Variants in SHC2 observed in about 807,000 individuals in gnomAD.
SHC2 encodes SHC-transforming protein 2.
Under a neutral mutation model 60.6 loss-of-function variants are expected in SHC2, and 62 were observed. The observed-to-expected ratio is 1.02, with a 90% CI of 0.83 to 1.26. The LOEUF (loss-of-function observed/expected upper bound fraction) is 1.26. Ranked by LOEUF, SHC2 falls within the 50% of genes most tolerant of loss-of-function variation. The probability of loss-of-function intolerance (pLI) is 0.00; values close to 1 mark genes in which losing one functional copy is unlikely to be tolerated. For missense variants in SHC2, 873 were observed against 822.2 expected (o/e 1.06, Z -0.76); for synonymous variants, 375 against 372.4 (o/e 1.01, Z -0.08).
intron 11 of SHC2, among the ~76,000 whole-genome samples, chr19:421,754 A>C (rs1033098440): frequency 6.6e-6 from 1 of 152,122 alleles, no homozygotes; most frequent in African/African-American, 2.4e-5. Flanking sequence ...CCCCATCTCT[A>C]CAAAACTTAG....
At chr19:457,112 A>C (rs963422612) in intron 1 of SHC2, among the ~76,000 whole-genome samples, 1 of 142,478 alleles carries the variant, frequency 7.0e-6, no homozygotes, top group Admixed American at 7.0e-5. Context: ...TTGCACCTGC[A>C]CCTGCTGTGC....
rs1415863244 is a variant in SHC2, at chr19:440,715, G to A, written c.539+147C>T. 1.2e-5 allele frequency: 8 copies of A among 691,866 alleles called. No individual in the cohort carries two copies. In the South Asian group the frequency reaches 1.3e-4, roughly 11 times the overall value. The allele number at this position is 691,866 out of a possible 1,614,324, so 42.9% of individuals were successfully genotyped here. On this transcript the variant is annotated intron_variant, in intron 2 of 12. Transcript: ENST00000264554. The surrounding 1 kb of genome is among the most constrained non-coding windows in gnomAD (Gnocchi z 7.0). ...TGGGGACAGGGCGGAGACGTGGCGT[G>A]AAGTGGGAGGGAGGTGGGGGGCACC...
chr19:446,314 TTTTG>T lies in SHC2; in HGVS notation c.469-5386_469-5383del, dbSNP rs767553572. 1.4e-4 allele frequency among the ~76,000 whole-genome samples: 21 copies of T among 151,976 alleles called. No individual in the cohort carries two copies. The highest frequency in any genetic ancestry group is 2.4e-4 in the Non-Finnish European group (16 of 67,996). On this transcript the variant is annotated intron_variant, in intron 1 of 12. Transcript: ENST00000264554. This position sits in a 1 kb window ranked among gnomAD's most constrained non-coding sequence, Gnocchi z 5.4. ...GTGTGTTTTGTTTTGTTTTTGGGGT[TTTTG>T]TTTGTTTGTTTGAGACGGAGTCTTG...
chr19:439,039 G>A lies in SHC2; in HGVS notation c.540-9C>T, dbSNP rs747701766. On this transcript the variant is annotated splice_polypyrimidine_tract_variant and intron_variant, in intron 2 of 12. Transcript: ENST00000264554. ...GCCGGTTGATGGCTTCCCTGGGGTT[G>A]GGAGGAGGGGGCTTAGAGAGTGTGG... 5.1e-6 allele frequency: 8 copies of A among 1,579,198 alleles called. No homozygotes were observed. Among genetic ancestry groups the A allele is most frequent in the South Asian group, 1.2e-5 (1 of 86,580 alleles).
In SHC2 at chr19:417,060, T is replaced by G. The variant is rs1406641848; in HGVS notation, c.*268A>C. ...CGGCTGCTTCTGGATATATTTTCTT[T>G]AAAGGCGAAATGGTTCCGTCTTTGG... On this transcript the variant is annotated 3_prime_UTR_variant, in exon 13 of 13. Transcript: ENST00000264554. 1 of 152,780 alleles carries G rather than the reference T, an allele frequency of 6.5e-6. No individual in the cohort carries two copies. The allele number at this position is 152,780 out of a possible 1,614,324, so 9.5% of individuals were successfully genotyped here. A position where few individuals can be genotyped will look rare whatever the true frequency, so the allele number is the denominator to read the frequency against.
rs1974387726 is a variant in SHC2 at position 425,310 on chromosome 19, A to G, written c.1175-79T>C. The G allele has an allele frequency of 8.5e-7, 1 of 1,182,948 alleles. No homozygotes were observed. The highest frequency in any genetic ancestry group is 1.1e-6 in the Non-Finnish European group (1 of 928,832). 73.3% of individuals were successfully genotyped at this position (1,182,948 alleles called of 1,614,324 possible). On this transcript the variant is annotated intron_variant, in intron 9 of 12. Transcript: ENST00000264554. This position sits in a 1 kb window ranked among gnomAD's most constrained non-coding sequence, Gnocchi z 4.1. ...GCAGGGAGCAAGGCGGGGTCCCACG[A>G]GGAGCTCCCCCGGCCACCACCTGTG... is the stretch of plus-strand genomic sequence containing the variant.
intron 1 of SHC2, among the ~76,000 whole-genome samples, chr19:451,591 C>T (rs1975199701): frequency 6.6e-6 from 1 of 152,148 alleles, no homozygotes; most frequent in Admixed American, 6.5e-5. Context: ...TTCTCTTTAA[C>T]TTTTTGGCAT....
chr19:448,138 C>T (rs752992698), intron 1 of SHC2, among the ~76,000 whole-genome samples: 2 of 152,230 alleles, frequency 1.3e-5, no homozygotes, highest in South Asian at 4.1e-4. Context: ...CCCAATTCCA[C>T]GAGTCCCCGC....
chr19:460,214 A>T (rs1975505473), intron 1 of SHC2, among the ~76,000 whole-genome samples: 1 of 151,950 alleles, frequency 6.6e-6, no homozygotes, highest in Non-Finnish European at 1.5e-5. Flanking sequence ...GGTGGCAGAG[A>T]CGCCCCGGCC....
chr19:442,507 A>G (rs1354226684), intron 1 of SHC2, among the ~76,000 whole-genome samples: 16 of 65,480 alleles, frequency 2.4e-4, no homozygotes, highest in Middle Eastern at 0.014. Flanking sequence ...GGATGGACGG[A>G]TGGATGGATG....
At chr19:427,012 G>A (rs1449183055) in intron 9 of SHC2, among the ~76,000 whole-genome samples, 1 of 152,234 alleles carries the variant, frequency 6.6e-6, no homozygotes, top group African/African-American at 2.4e-5. Flanking sequence ...GTGGGCACAG[G>A]GGCAGGGAAC....
chr19:434,342 T>A, intron 8 of SHC2, among the ~76,000 whole-genome samples: 1 of 37,528 alleles, frequency 2.7e-5, no homozygotes, highest in African/African-American at 1.2e-4. Flanking sequence ...GTGAGTGAGA[T>A]CATGAGTGAG....
At chr19:434,908 A>G in intron 7 of SHC2, 43 bp from the exon 8 acceptor site, 1 of 1,590,474 alleles carries the variant, frequency 6.3e-7, no homozygotes, top group Non-Finnish European at 8.5e-7. Context: ...GCAGGGCCCA[A>G]GGGGGCTAAA....
chr19:449,290 G>A (rs193049339), intron 1 of SHC2, among the ~76,000 whole-genome samples: 12 of 152,294 alleles, frequency 7.9e-5, no homozygotes, highest in South Asian at 2.1e-4. Flanking sequence ...CCCAGGAGGC[G>A]GAGGTTGCAG....
chr19:425,257 G>A lies in SHC2; in HGVS notation c.1175-26C>T, dbSNP rs146497994. ...CTGGGGAGTGTAAAGAGGGGCAGGGGGTCAGCTGGGAGCCAGGCGAGGGGC... is the reference window on the plus strand; with the variant it reads ...CTGGGGAGTGTAAAGAGGGGCAGGGAGTCAGCTGGGAGCCAGGCGAGGGGC... On this transcript the variant is annotated intron_variant, in intron 9 of 12. Coordinates refer to ENST00000264554, the MANE Select transcript of SHC2 (RefSeq NM_012435.3). This position sits in a 1 kb window ranked among gnomAD's most constrained non-coding sequence, Gnocchi z 4.1. 82 of 1,314,192 alleles carry A rather than the reference G, an allele frequency of 6.2e-5. No homozygotes were observed. The East Asian group carries it at 1.0e-3, about 17-fold the overall frequency. 81.4% of individuals were successfully genotyped at this position (1,314,192 alleles called of 1,614,324 possible). A position where few individuals can be genotyped will look rare whatever the true frequency, so the allele number is the denominator to read the frequency against.
chr19:440,905 A>G lies in SHC2; in HGVS notation c.496T>C (p.Ser166Pro), dbSNP rs762155569. Reference sequence around the variant, plus strand: ...GTGTTAAAGTCCAGGGAGCGCATAGAGCGGAGAACCTCGATGCAGCCCATG... The same window carrying G: ...GTGTTAAAGTCCAGGGAGCGCATAGGGCGGAGAACCTCGATGCAGCCCATG... The part of the protein sequence containing the change: ...RYMGCIEVLR[S>P]MRSLDFNTRT... Residue 166 changes from serine (S) to proline (P), a missense_variant, in exon 2 of 13, where the codon TCT becomes CCT. Coordinates refer to ENST00000264554, the MANE Select transcript of SHC2 (RefSeq NM_012435.3). The surrounding 1 kb of genome is among the most constrained non-coding windows in gnomAD (Gnocchi z 7.0). 5.0e-6 allele frequency: 8 copies of G among 1,612,726 alleles called. No individual in the cohort carries two copies. Among genetic ancestry groups the G allele is most frequent in the African/African-American group, 2.7e-5 (2 of 74,918 alleles).
chr19:437,254 G>T (rs570004092), intron 4 of SHC2, among the ~76,000 whole-genome samples: 1 of 151,344 alleles, frequency 6.6e-6, no homozygotes, highest in African/African-American at 2.4e-5. Context: ...CTGCGTGCTC[G>T]TTTGCGTGCT....
At chr19:437,085 G>T (rs929291863) in intron 4 of SHC2, among the ~76,000 whole-genome samples, 5 of 152,120 alleles carry the variant, frequency 3.3e-5, no homozygotes, top group Non-Finnish European at 1.5e-5. Context: ...CCACACTCCT[G>T]ACTCCCTTGT....
chr19:442,487 GTGGATGGA>G (rs1179950736), intron 1 of SHC2, among the ~76,000 whole-genome samples: 1 of 102,460 alleles, frequency 9.8e-6, no homozygotes, highest in Admixed American at 1.0e-4. Context: ...GGGTGGATGG[GTGGATGGA>G]TGGATGGACG....
Sources: gnomAD v4.1 joint callset for allele counts (sites outside exome capture counted in the v4.1 genomes callset) on GRCh38, gnomAD v4.1.1 for gene constraint, Gnocchi (gnomAD v3.1) non-coding constraint, MANE v1.5 for transcripts, NCBI Gene and HGNC (gene_info 2026-07-23, HGNC 2026-07-21) for gene names.